Variants in TLCD5 observed in about 807,000 individuals in gnomAD.
The protein encoded by TLCD5 is TLC domain-containing protein 5.
TLCD5 carries 15 observed loss-of-function variants against 20.5 expected under a neutral mutation model. That is an observed-to-expected ratio of 0.73 (90% CI 0.49 to 1.13). The LOEUF (loss-of-function observed/expected upper bound fraction) is 1.13, where lower values mean the gene tolerates loss of function less well. Ranked by LOEUF, TLCD5 falls within the 50% of genes most tolerant of loss-of-function variation. The pLI is 0.00. For missense variants in TLCD5, 289 were observed against 305.6 expected (o/e 0.95, Z 0.41); for synonymous variants, 107 against 114.7 (o/e 0.93, Z 0.43).
intron 2 of TLCD5, among the ~76,000 whole-genome samples, chr11:120,328,596 CTG>C (rs942342617): frequency 3.6e-3 from 59 of 16,258 alleles, no homozygotes; most frequent in South Asian, 5.1e-3. Flanking sequence ...GGTCTCCCCT[CTG>C]TGTGTGTGTG....
intron 1 of TLCD5, among the ~76,000 whole-genome samples, chr11:120,325,803 C>T (rs1460460588): frequency 6.6e-6 from 1 of 152,214 alleles, no homozygotes; most frequent in African/African-American, 2.4e-5. Context: ...AGCCGAAACC[C>T]ACACAGGGAG....
Position 120,330,219 on chromosome 11 carries a change from G to C in TLCD5, c.442G>C (p.Glu148Gln). The C allele has an allele frequency of 6.4e-7, 1 of 1,556,530 alleles. No individual in the cohort carries two copies. The highest frequency in any genetic ancestry group is 8.7e-7 in the Non-Finnish European group (1 of 1,150,762). Residue 148 changes from glutamate (E) to glutamine (Q), a missense_variant, in exon 3 of 3, where the codon GAA (glutamate) becomes CAA (glutamine). By Grantham distance (29) the Glu-to-Gln change is conservative. Transcript: ENST00000375095. The stretch of plus-strand genomic sequence containing the variant: ...GCTACAGATGCGCTGGTTTCTCCGG[G>C]AAACAGGGCACTATCACAGTTTCAC... ...PLLQMRWFLR[E>Q]TGHYHSFTGD...
intron 2 of TLCD5, among the ~76,000 whole-genome samples, chr11:120,328,550 C>T (rs373064657): frequency 6.6e-6 from 1 of 152,018 alleles, no homozygotes; most frequent in Non-Finnish European, 1.5e-5. Flanking sequence ...CTGTCCTTGG[C>T]TTGCACATGG....
chr11:120,328,019 A>G (rs11827818), intron 2 of TLCD5, among the ~76,000 whole-genome samples: 29,134 of 152,032 alleles, frequency 0.19, 2,938 homozygotes, highest in South Asian at 0.24. Flanking sequence ...TTCCATGTCT[A>G]TGTTAAGAGG....
In TLCD5 at chr11:120,332,891, T is replaced by C. The variant is rs1431504751; in HGVS notation, c.*2376T>C. ...ACAGAAACCAGGTATGAGGGAGTGGTTGGAATGGTATAAAGTCATCACTGT... is the reference window on the plus strand; with the variant it reads ...ACAGAAACCAGGTATGAGGGAGTGGCTGGAATGGTATAAAGTCATCACTGT... On this transcript the variant is annotated 3_prime_UTR_variant, in exon 3 of 3. Transcript: ENST00000375095. This position sits in a 1 kb window ranked among gnomAD's most constrained non-coding sequence, Gnocchi z 4.2. The C allele has an allele frequency of 2.6e-5, 4 of 152,246 alleles. No homozygotes were observed. Among genetic ancestry groups the C allele is most frequent in the African/African-American group, 9.6e-5 (4 of 41,536 alleles). 9.4% of individuals were successfully genotyped at this position (152,246 alleles called of 1,614,324 possible).
At chr11:120,325,890 G>A (rs1304708844) in intron 1 of TLCD5, among the ~76,000 whole-genome samples, 1 of 152,242 alleles carries the variant, frequency 6.6e-6, no homozygotes, top group African/African-American at 2.4e-5. Context: ...ATGGGCTACT[G>A]TTTTCTCTGT....
At chr11:120,328,606 GTGTGTGTA>G (rs1942054446) in intron 2 of TLCD5, among the ~76,000 whole-genome samples, 1 of 152,202 alleles carries the variant, frequency 6.6e-6, no homozygotes, top group African/African-American at 2.4e-5. Flanking sequence ...CTGTGTGTGT[GTGTGTGTA>G]TGTGTGTGTG....
At chr11:120,328,917 A>ATTGTGTGTGTGT (rs1555084789) in intron 2 of TLCD5, among the ~76,000 whole-genome samples, 1 of 32,276 alleles carries the variant, frequency 3.1e-5, no homozygotes, top group Non-Finnish European at 6.0e-5. Context: ...TAACAGTCAT[A>ATTGTGTGTGTGT]GTGTGTGTGT....
chr11:120,326,771 C>T (rs912831876), intron 1 of TLCD5, among the ~76,000 whole-genome samples: 9 of 152,214 alleles, frequency 5.9e-5, no homozygotes, highest in Non-Finnish European at 1.3e-4. Flanking sequence ...TCCTCTTGAA[C>T]CTTAGAATCC....
At position 120,330,622 on chromosome 11, in the gene TLCD5, A is replaced by G; in HGVS notation, c.*107A>G. 7.7e-7 allele frequency: 1 copy of G among 1,299,702 alleles called. No individual in the cohort carries two copies. Among genetic ancestry groups the G allele is most frequent in the Non-Finnish European group, 1.0e-6 (1 of 966,572 alleles). 80.5% of individuals were successfully genotyped at this position (1,299,702 alleles called of 1,614,324 possible). ...TTATAACAAACTTAGGTTTCAATAA[A>G]GGGCTAAATGTATTGATCAATTTGG... On this transcript the variant is annotated 3_prime_UTR_variant, in exon 3 of 3. Coordinates refer to ENST00000375095, the MANE Select transcript of TLCD5 (RefSeq NM_001198671.2).
Position 120,327,722 on chromosome 11 carries a change from A to G in TLCD5, c.199+82A>G, listed in dbSNP as rs1942035112. The G allele has an allele frequency of 3.0e-6, 4 of 1,343,776 alleles. No homozygotes were observed. The South Asian group carries it at 4.5e-5, about 15-fold the overall frequency. The allele number at this position is 1,343,776 out of a possible 1,614,324, so 83.2% of individuals were successfully genotyped here. A position where few individuals can be genotyped will look rare whatever the true frequency, so the allele number is the denominator to read the frequency against. ...GGGACTTTTAAACAGAATTTGTACA[A>G]TACTGAAGACTAATTCCCATTATAA... On this transcript the variant is annotated intron_variant, in intron 2 of 2. Coordinates refer to ENST00000375095, the MANE Select transcript of TLCD5 (RefSeq NM_001198671.2).
rs1349324324 is a variant in TLCD5, at chr11:120,332,128, G to A, written c.*1613G>A. ...GCAAGAATATAAGCTTAGAACAAGG[G>A]GTTAAGAATCCAGAATTCCTGGGTT... is the stretch of plus-strand genomic sequence containing the variant. On this transcript the variant is annotated 3_prime_UTR_variant, in exon 3 of 3. Transcript: ENST00000375095. This position sits in a 1 kb window ranked among gnomAD's most constrained non-coding sequence, Gnocchi z 4.2. 1.3e-5 allele frequency: 2 copies of A among 152,012 alleles called. No homozygotes were observed. The highest frequency in any genetic ancestry group is 2.9e-5 in the Non-Finnish European group (2 of 68,008). The allele number at this position is 152,012 out of a possible 1,614,324, so 9.4% of individuals were successfully genotyped here.
At chr11:120,329,495 C>G (rs1169238718) in intron 2 of TLCD5, among the ~76,000 whole-genome samples, 1 of 152,078 alleles carries the variant, frequency 6.6e-6, no homozygotes, top group Non-Finnish European at 1.5e-5. Flanking sequence ...TTGGGGCCCT[C>G]TCCAGAATCT....
chr11:120,326,867 A>T (rs1243653485), intron 1 of TLCD5, among the ~76,000 whole-genome samples: 4 of 152,014 alleles, frequency 2.6e-5, no homozygotes, highest in African/African-American at 4.8e-5. Context: ...AGATGTCTGG[A>T]CTCTTTGTTT....
chr11:120,328,327 C>T (rs987201056), intron 2 of TLCD5, among the ~76,000 whole-genome samples: 10 of 152,218 alleles, frequency 6.6e-5, no homozygotes, highest in South Asian at 2.1e-4. Flanking sequence ...GTGATCCACC[C>T]GCCTTGGCCT....
intron 1 of TLCD5, among the ~76,000 whole-genome samples, chr11:120,325,591 G>T (rs959368171): frequency 6.6e-6 from 1 of 151,968 alleles, no homozygotes; most frequent in East Asian, 1.9e-4. Flanking sequence ...GCCGAGCGTC[G>T]CAGGCACCGC....
In TLCD5 at chr11:120,332,295, A is replaced by T. The variant is rs1942172332; in HGVS notation, c.*1780A>T. The stretch of plus-strand genomic sequence containing the variant: ...CTGTAGTATATTTCATAAATACATT[A>T]TGTGGCATTTTATTAATGGAGGTCT... On this transcript the variant is annotated 3_prime_UTR_variant, in exon 3 of 3. Coordinates refer to ENST00000375095, the MANE Select transcript of TLCD5 (RefSeq NM_001198671.2). This position sits in a 1 kb window ranked among gnomAD's most constrained non-coding sequence, Gnocchi z 4.2. The T allele has an allele frequency of 6.6e-6, 1 of 152,220 alleles. No homozygotes were observed. Among genetic ancestry groups the T allele is most frequent in the East Asian group, 1.9e-4 (1 of 5,204 alleles). 9.4% of individuals were successfully genotyped at this position (152,220 alleles called of 1,614,324 possible). A position where few individuals can be genotyped will look rare whatever the true frequency, so the allele number is the denominator to read the frequency against.
At chr11:120,329,881 T>C (rs1452747609) in intron 2 of TLCD5, 96 bp from the exon 3 acceptor site, 5 of 1,243,502 alleles carry the variant, frequency 4.0e-6, no homozygotes, top group Non-Finnish European at 4.5e-6. Flanking sequence ...GTTTCTTTAG[T>C]GTCTAGTAAG....
intron 2 of TLCD5, among the ~76,000 whole-genome samples, chr11:120,329,636 A>T (rs1942103588): frequency 6.6e-6 from 1 of 151,718 alleles, no homozygotes; most frequent in Non-Finnish European, 1.5e-5. Context: ...AAAAAAAAAA[A>T]TAAAGTTTAG....
Sources: allele counts gnomAD v4.1 joint callset (sites outside exome capture counted in the v4.1 genomes callset), GRCh38; gene constraint gnomAD v4.1.1; non-coding constraint Gnocchi (gnomAD v3.1); transcripts MANE v1.5; gene names NCBI Gene and HGNC (gene_info 2026-07-23, HGNC 2026-07-21).